FMN2: variants seen among roughly 807,000 people sequenced by gnomAD.
FMN2 encodes the protein formin-2.
In FMN2, 51 loss-of-function variants were observed where a neutral mutation model predicts 142.3. The observed-to-expected ratio is 0.36, with a 90% CI of 0.29 to 0.45. The LOEUF (loss-of-function observed/expected upper bound fraction) is 0.45, where lower values mean the gene tolerates loss of function less well. Among genes scored for constraint, FMN2 ranks in the 20% least tolerant of loss-of-function variants. The pLI is 1.00. For missense variants in FMN2, 1,936 were observed against 2,122.8 expected (o/e 0.91, Z 1.73); for synonymous variants, 882 against 869.8 (o/e 1.01, Z -0.25).
intron 6 of FMN2, among the ~76,000 whole-genome samples, chr1:240,228,098 G>T (rs1349699118): frequency 2.0e-5 from 3 of 151,986 alleles, no homozygotes; most frequent in Non-Finnish European, 2.9e-5. Flanking sequence ...GAGGTCGGGA[G>T]TTTGAGACCA....
At chr1:240,393,454 A>G (rs1034592389) in intron 15 of FMN2, among the ~76,000 whole-genome samples, 3 of 152,152 alleles carry the variant, frequency 2.0e-5, no homozygotes, top group Non-Finnish European at 4.4e-5. Context: ...TGTTCCACCA[A>G]CCATCTGTTC....
chr1:240,128,857 T>G lies in FMN2; in HGVS notation c.1782+5512T>G, dbSNP rs145967327. ...GACTTAAGTGGACAAACAGAAATTA[T>G]TATGTGCATTTGAATTCATTTTTTT... On this transcript the variant is annotated intron_variant, in intron 2 of 17. Coordinates refer to ENST00000319653, the MANE Select transcript of FMN2 (RefSeq NM_020066.5). Among the ~76,000 whole-genome samples the G allele has an allele frequency of 2.9e-3, 440 of 152,234 alleles. 3 individuals carry two copies. Among genetic ancestry groups the G allele is most frequent in the African/African-American group, 0.01 (423 of 41,534 alleles).
Position 240,363,604 on chromosome 1 carries a change from C to T in FMN2, c.4858+7696C>T, listed in dbSNP as rs73126276. ...GCGTGTGCATGCATGTGCAAATGTT[C>T]CCTGAGACCCAGGACAGAGGCTGCA... On this transcript the variant is annotated intron_variant, in intron 14 of 17. Coordinates refer to ENST00000319653, the MANE Select transcript of FMN2 (RefSeq NM_020066.5). 6.0e-3 allele frequency among the ~76,000 whole-genome samples: 909 copies of T among 152,280 alleles called. 11 individuals carry two copies. The highest frequency in any genetic ancestry group is 0.021 in the African/African-American group (862 of 41,552).
chr1:240,202,017 T>G (rs1209994455), intron 4 of FMN2, among the ~76,000 whole-genome samples: 1 of 152,200 alleles, frequency 6.6e-6, no homozygotes, highest in Non-Finnish European at 1.5e-5. Flanking sequence ...GAAGCTTTGT[T>G]TTCAGACCTT....
At chr1:240,294,978 A>G (rs1037408059) in intron 8 of FMN2, 95 bp downstream of exon 8, 17 of 1,092,736 alleles carry the variant, frequency 1.6e-5, no homozygotes, top group Admixed American at 1.1e-4. Flanking sequence ...AGGTCCTCTA[A>G]AGAAATTTGA....
At chr1:240,204,759 AAAG>A (rs890562229) in intron 4 of FMN2, among the ~76,000 whole-genome samples, 2 of 152,204 alleles carry the variant, frequency 1.3e-5, no homozygotes, top group African/African-American at 4.8e-5. Context: ...CGCAAAAAAA[AAAG>A]TTTACATTTC....
At chr1:240,435,134 T>C (rs1488934723) in intron 15 of FMN2, among the ~76,000 whole-genome samples, 1 of 152,026 alleles carries the variant, frequency 6.6e-6, no homozygotes, top group African/African-American at 2.4e-5. Flanking sequence ...AGAACATTTT[T>C]ATTGAAAAAT....
At chr1:240,388,748 A>T (rs986132168) in intron 14 of FMN2, among the ~76,000 whole-genome samples, 1 of 151,560 alleles carries the variant, frequency 6.6e-6, no homozygotes. Context: ...TGTAATCCCA[A>T]CTACTCGGGA....
chr1:240,458,185 CGTAT>C (rs1676315805), intron 16 of FMN2: 1 of 152,028 alleles, frequency 6.6e-6, no homozygotes, highest in Non-Finnish European at 1.5e-5. Flanking sequence ...GGATAAACAG[CGTAT>C]GTGTCACTGG....
chr1:240,148,367 C>T (rs1301284160), intron 2 of FMN2, among the ~76,000 whole-genome samples: 1 of 92,188 alleles, frequency 1.1e-5, no homozygotes, highest in African/African-American at 4.2e-5. Flanking sequence ...GAGACAGAGA[C>T]AGAGAGAGAG....
intron 7 of FMN2, among the ~76,000 whole-genome samples, chr1:240,289,902 T>C (rs1669717817): frequency 6.6e-6 from 1 of 152,200 alleles, no homozygotes; most frequent in Non-Finnish European, 1.5e-5. Flanking sequence ...TAAACATTCA[T>C]ACAGATAGAT....
At chr1:240,153,308 C>T (rs898259136) in intron 2 of FMN2, among the ~76,000 whole-genome samples, 6 of 150,800 alleles carry the variant, frequency 4.0e-5, no homozygotes, top group African/African-American at 9.7e-5. Flanking sequence ...AGGACTTTTT[C>T]GGGCAAAATT....
intron 14 of FMN2, among the ~76,000 whole-genome samples, chr1:240,374,466 T>A (rs1672978220): frequency 6.6e-6 from 1 of 152,228 alleles, no homozygotes; most frequent in Non-Finnish European, 1.5e-5. Context: ...CTTATCTAGA[T>A]CTTCTGGATA....
intron 15 of FMN2, among the ~76,000 whole-genome samples, chr1:240,399,554 T>C (rs1245844549): frequency 1.3e-5 from 2 of 152,098 alleles, no homozygotes; most frequent in African/African-American, 2.4e-5. Flanking sequence ...GATAGGAGCT[T>C]CCACTCTCCC....
In FMN2 at chr1:240,340,142, T is replaced by C. The variant is rs145989229; in HGVS notation, c.4765+5913T>C. On this transcript the variant is annotated intron_variant, in intron 13 of 17. Coordinates refer to ENST00000319653, the MANE Select transcript of FMN2 (RefSeq NM_020066.5). ...CAGACTTTGGGTACTGTCATTTTTC[T>C]TAAAAACATTACTGCTGTTTAATAA... 3.4e-3 allele frequency among the ~76,000 whole-genome samples: 520 copies of C among 152,324 alleles called. 2 individuals are homozygous for C. The highest frequency in any genetic ancestry group is 0.012 in the African/African-American group (492 of 41,574).
At chr1:240,210,971 TC>T (rs1398010522) in intron 5 of FMN2, 119 bp from the exon 6 acceptor site, 2 of 847,878 alleles carry the variant, frequency 2.4e-6, no homozygotes, top group Non-Finnish European at 3.6e-6. Flanking sequence ...TTATCTCTCT[TC>T]TTTTTCCCTC....
intron 4 of FMN2, among the ~76,000 whole-genome samples, chr1:240,204,085 T>C (rs1175664618): frequency 6.6e-6 from 1 of 152,154 alleles, no homozygotes; most frequent in Non-Finnish European, 1.5e-5. Flanking sequence ...CCTTTATTAG[T>C]TGAAAAGTCA....
intron 7 of FMN2, among the ~76,000 whole-genome samples, chr1:240,273,996 T>G (rs1669107192): frequency 6.6e-6 from 1 of 152,116 alleles, no homozygotes; most frequent in African/African-American, 2.4e-5. Context: ...GATGCCAGCA[T>G]TGACATTAAC....
chr1:240,211,242 A>G lies in FMN2; in HGVS notation c.4065+7A>G, dbSNP rs749567608. ...AAAGACGAAGGCTAAACAAGTGAGT[A>G]TTTTTGTGCTTTATGAAATTGGACA... is the stretch of plus-strand genomic sequence containing the variant. On this transcript the variant is annotated splice_region_variant and intron_variant, in intron 6 of 17. Coordinates refer to ENST00000319653, the MANE Select transcript of FMN2 (RefSeq NM_020066.5). 2 of 1,608,824 alleles carry G rather than the reference A, an allele frequency of 1.2e-6. No homozygotes were observed. Among genetic ancestry groups the G allele is most frequent in the Admixed American group, 1.7e-5 (1 of 59,026 alleles).
Sources: allele counts gnomAD v4.1 joint callset (sites outside exome capture counted in the v4.1 genomes callset), GRCh38; gene constraint gnomAD v4.1.1; transcripts MANE v1.5; gene names NCBI Gene and HGNC (gene_info 2026-07-23, HGNC 2026-07-21).